The following ESYT2 variants were observed in gnomAD, a reference collection of about 807,000 sequenced individuals.
ESYT2 encodes the protein extended synaptotagmin-2.
A neutral mutation model predicts 107.2 loss-of-function variants in ESYT2; 54 were observed. That is an observed-to-expected ratio of 0.50 (90% confidence interval 0.40 to 0.63). The LOEUF (loss-of-function observed/expected upper bound fraction) is 0.63. Ranked by LOEUF, ESYT2 falls within the 30% of genes least tolerant of loss-of-function variation. The pLI, the probability that ESYT2 is intolerant of heterozygous loss-of-function variation, is 0.00. For synonymous variants in ESYT2, 491 were observed against 434.1 expected, an observed-to-expected ratio of 1.13 and a Z score of -1.63; for missense variants, 1,020 against 1,094.5, an observed-to-expected ratio of 0.93 and a Z score of 0.96.
chr7:158,794,786 A>G (rs1419789910), intron 3 of ESYT2, among the ~76,000 whole-genome samples: 3 of 152,142 alleles, frequency 2.0e-5, no homozygotes, highest in Non-Finnish European at 2.9e-5. Context: ...CAAAAATGAA[A>G]GAAGCACTTT....
At chr7:158,814,426 C>T (rs1229268413) in intron 1 of ESYT2, among the ~76,000 whole-genome samples, 1 of 151,042 alleles carries the variant, frequency 6.6e-6, no homozygotes, top group Non-Finnish European at 1.5e-5. Context: ...GTCCCGATTA[C>T]TCTCACAGAT....
intron 1 of ESYT2, among the ~76,000 whole-genome samples, chr7:158,803,708 C>A (rs1448558659): frequency 1.3e-5 from 2 of 152,188 alleles, no homozygotes; most frequent in Non-Finnish European, 2.9e-5. Context: ...ACACAGAACA[C>A]CTTCCTGGAG....
intron 6 of ESYT2, among the ~76,000 whole-genome samples, chr7:158,781,517 AGT>A (rs917107279): frequency 7.2e-5 from 11 of 151,930 alleles, no homozygotes; most frequent in African/African-American, 1.9e-4. Context: ...GTGAGAACAA[AGT>A]GTGAGAGGTG....
intron 7 of ESYT2, 117 bp downstream of exon 7, chr7:158,773,224 G>T (rs1838436748): frequency 1.8e-6 from 2 of 1,084,942 alleles, no homozygotes; most frequent in African/African-American, 1.6e-5. Flanking sequence ...CTGTGGAGAA[G>T]GCACCCATTC....
intron 6 of ESYT2, among the ~76,000 whole-genome samples, chr7:158,782,002 C>G (rs1023184294): frequency 3.2e-4 from 46 of 142,742 alleles, no homozygotes; most frequent in Non-Finnish European, 5.6e-4. Flanking sequence ...ATTACGAGAA[C>G]AAGTGTGTGA....
rs183067810 is a variant in ESYT2, at chr7:158,816,819, A to G, written c.330+12270T>C. Among the ~76,000 whole-genome samples, 142 of 152,324 alleles carry G rather than the reference A, an allele frequency of 9.3e-4. 1 individual carries two copies. In the Middle Eastern group the frequency reaches 0.017, roughly 18 times the overall value. ...TTACTGGATAAATTCCAAGATCTTT[A>G]TATGTGTGAAAAAATAAGTAGGAAG... On this transcript the variant is annotated intron_variant, in intron 1 of 22. Transcript: ENST00000275418.
chr7:158,789,221 T>C (rs1839201880), intron 4 of ESYT2, among the ~76,000 whole-genome samples: 1 of 152,260 alleles, frequency 6.6e-6, no homozygotes, highest in African/African-American at 2.4e-5. Flanking sequence ...CAATATTTAT[T>C]GTCCTGGTGT....
At chr7:158,741,101 G>C in intron 18 of ESYT2, among the ~76,000 whole-genome samples, 1 of 152,200 alleles carries the variant, frequency 6.6e-6, no homozygotes, top group East Asian at 1.9e-4. Context: ...GAGCAACAGG[G>C]ATGGGATCCA....
chr7:158,763,127 A>C lies in ESYT2; in HGVS notation c.1140T>G (p.Ile380Met). ...VYEHPGQELE[I>M]ELFDEDPDKD... Reference sequence around the variant, plus strand: ...TGTCTGGGTCTTCATCAAAGAGCTCAATCTCTAATTCTTGTCCAGGATGTT... The same window carrying C: ...TGTCTGGGTCTTCATCAAAGAGCTCCATCTCTAATTCTTGTCCAGGATGTT... Residue 380 changes from isoleucine to methionine, a missense_variant, in exon 10 of 23, where the codon ATT (isoleucine) becomes ATG (methionine). Coordinates refer to ENST00000275418, the MANE Select transcript of ESYT2 (RefSeq NM_001367773.1). 6.2e-7 allele frequency: 1 copy of C among 1,613,264 alleles called. No individual in the cohort carries two copies. The highest frequency in any genetic ancestry group is 1.1e-5 in the South Asian group (1 of 91,032).
At chr7:158,788,127 G>C (rs1839170669) in intron 5 of ESYT2, 34 bp from the exon 6 acceptor site, 1 of 1,566,236 alleles carries the variant, frequency 6.4e-7, no homozygotes, top group Non-Finnish European at 8.8e-7. Flanking sequence ...ATATGTAATA[G>C]AAAACATTCT....
chr7:158,811,468 A>T (rs1257690606), intron 1 of ESYT2, among the ~76,000 whole-genome samples: 2 of 152,208 alleles, frequency 1.3e-5, no homozygotes, highest in Non-Finnish European at 2.9e-5. Context: ...TATCTGCCAA[A>T]CTAGTTAATC....
intron 1 of ESYT2, among the ~76,000 whole-genome samples, chr7:158,804,333 G>C (rs1461935492): frequency 7.2e-6 from 1 of 139,660 alleles, no homozygotes; most frequent in African/African-American, 2.8e-5. Flanking sequence ...AACCCAAACC[G>C]CCGAGAAGGG....
rs552633288 is a variant in ESYT2 at position 158,829,508 on chromosome 7, C to G, written c.-90G>C. The G allele has an allele frequency of 3.0e-5, 38 of 1,275,024 alleles. No individual in the cohort carries two copies. The highest frequency in any genetic ancestry group is 2.7e-4 in the South Asian group (11 of 40,258). The allele number at this position is 1,275,024 out of a possible 1,614,324, so 79.0% of individuals were successfully genotyped here. ...GGCTCAGCCCCGCGCCAGCGCCCCTCTGAGGGGACGCGGCTCCGCCGCACG... is the reference window on the plus strand; with the variant it reads ...GGCTCAGCCCCGCGCCAGCGCCCCTGTGAGGGGACGCGGCTCCGCCGCACG... On this transcript the variant is annotated 5_prime_UTR_variant, in exon 1 of 23. Coordinates refer to ENST00000275418, the MANE Select transcript of ESYT2 (RefSeq NM_001367773.1).
At position 158,782,094 on chromosome 7, in the gene ESYT2, T is replaced by C. The variant is rs569216500; in HGVS notation, c.747+5910A>G. 5.4e-5 allele frequency among the ~76,000 whole-genome samples: 8 copies of C among 148,046 alleles called. No homozygotes were observed. The South Asian group carries it at 1.5e-3, about 28-fold the overall frequency. The stretch of plus-strand genomic sequence containing the variant: ...TGGTGTATGTAAGAACAAATGTGAG[T>C]GAACGACAACAAAGTGTGAGGTGTG... On this transcript the variant is annotated intron_variant, in intron 6 of 22. Transcript: ENST00000275418.
intron 1 of ESYT2, among the ~76,000 whole-genome samples, chr7:158,814,950 G>C (rs189144239): frequency 2.6e-5 from 4 of 152,346 alleles, no homozygotes. Flanking sequence ...AGAGAGGAGA[G>C]AGCAGAGAAT....
chr7:158,738,720 T>G (rs192142607), intron 19 of ESYT2, among the ~76,000 whole-genome samples: 419 of 152,298 alleles, frequency 2.8e-3, no homozygotes, highest in Middle Eastern at 6.8e-3. Context: ...CCCAAAGTGC[T>G]GGGATTACAG....
At chr7:158,741,472 T>TGGGGTG in intron 18 of ESYT2, 51 bp downstream of exon 18, 1 of 1,508,786 alleles carries the variant, frequency 6.6e-7, no homozygotes, top group Non-Finnish European at 8.8e-7. Flanking sequence ...CAGCGTGGGG[T>TGGGGTG]GGGGGGCGCT....
In ESYT2 at chr7:158,789,479, TC is replaced by T. The variant is rs199958842; in HGVS notation, c.585-1063del. Among the ~76,000 whole-genome samples, 1,151 of 152,172 alleles carry T rather than the reference TC, an allele frequency of 7.6e-3. 20 individuals are homozygous for T. Among genetic ancestry groups the T allele is most frequent in the African/African-American group, 0.026 (1,085 of 41,510 alleles). On this transcript the variant is annotated intron_variant, in intron 4 of 22. Transcript: ENST00000275418. ...TCAGGTGATTCTCCTGCCTCAGCCTTCCGAGTAGCTGGGATTACAGGTGTGT... is the reference window on the plus strand; with the variant it reads ...TCAGGTGATTCTCCTGCCTCAGCCTTCGAGTAGCTGGGATTACAGGTGTGT...
At chr7:158,785,451 A>C (rs184233244) in intron 6 of ESYT2, among the ~76,000 whole-genome samples, 3,643 of 151,646 alleles carry the variant, frequency 0.024, 145 homozygotes, top group African/African-American at 0.084. Context: ...ATAAATAAAT[A>C]AATAAATAAA....
Sources: allele counts gnomAD v4.1 joint callset (sites outside exome capture counted in the v4.1 genomes callset), GRCh38; gene constraint gnomAD v4.1.1; transcripts MANE v1.5; gene names NCBI Gene and HGNC (gene_info 2026-07-23, HGNC 2026-07-21).